ROBO2: variants seen among roughly 807,000 people sequenced by gnomAD.
The protein encoded by ROBO2 is roundabout guidance receptor 2, also known as roundabout homolog 2.
ROBO2 carries 53 observed loss-of-function variants against 160.8 expected under a neutral mutation model. That is an observed-to-expected ratio of 0.33 (90% CI 0.26 to 0.41). The LOEUF is 0.41. ROBO2 is among the 10% of genes least tolerant of loss of function. ROBO2 has a pLI of 1.00. For missense variants in ROBO2, 1,577 were observed against 1,722.4 expected, an observed-to-expected ratio of 0.92 and a Z score of 1.49; for synonymous variants, 664 against 611.7, an observed-to-expected ratio of 1.09 and a Z score of -1.26.
chr3:76,595,004 G>A lies in ROBO2; in HGVS notation c.110-503010G>A, dbSNP rs138267572. The stretch of plus-strand genomic sequence containing the variant: ...CTTGGGAGGTAATTAAGTCATGGGG[G>A]TGGAGCCCTCATGAATGGGATTAGT... On this transcript the variant is annotated intron_variant, in intron 2 of 26. Transcript: ENST00000487694. Among the ~76,000 whole-genome samples the A allele has an allele frequency of 1.7e-3, 265 of 152,116 alleles. 2 individuals carry two copies. The highest frequency in any genetic ancestry group is 6.0e-3 in the African/African-American group (248 of 41,526).
intron 2 of ROBO2, among the ~76,000 whole-genome samples, chr3:76,818,345 T>C (rs1027519934): frequency 2.0e-5 from 3 of 151,698 alleles, no homozygotes; most frequent in Admixed American, 1.3e-4. Flanking sequence ...GGATTGTTTG[T>C]TTTTTTTCTT....
chr3:76,597,465 T>C lies in ROBO2; in HGVS notation c.110-500549T>C, dbSNP rs1219942262. ...GCAAAAGGCATGAGCAGACATTTCA[T>C]GGAAGAGGATACATAAATGAAAAAT... On this transcript the variant is annotated intron_variant, in intron 2 of 26. Coordinates refer to the ROBO2 transcript ENST00000487694. Among the ~76,000 whole-genome samples the C allele has an allele frequency of 3.3e-5, 5 of 152,164 alleles. No individual in the cohort carries two copies. In the East Asian group the frequency reaches 7.7e-4, roughly 24 times the overall value.
intron 2 of ROBO2, among the ~76,000 whole-genome samples, chr3:77,172,509 G>A (rs773069752): frequency 6.6e-6 from 1 of 152,024 alleles, no homozygotes; most frequent in Non-Finnish European, 1.5e-5. Flanking sequence ...GGAGTGCATT[G>A]TTAACATTTT....
intron 2 of ROBO2, among the ~76,000 whole-genome samples, chr3:76,361,421 C>G (rs1026312610): frequency 2.0e-5 from 3 of 152,074 alleles, no homozygotes; most frequent in Middle Eastern, 3.2e-3. Context: ...TCTATATGCA[C>G]TGTGATTTAA....
In ROBO2 at chr3:76,871,350, C is replaced by T. The variant is rs2072039652; in HGVS notation, c.110-226664C>T. Among the ~76,000 whole-genome samples the T allele has an allele frequency of 3.3e-5, 5 of 151,664 alleles. No homozygotes were observed. The East Asian group carries it at 5.8e-4, about 18-fold the overall frequency. The stretch of plus-strand genomic sequence containing the variant: ...CAGGCGGATCACGAGGTCAGGAGAT[C>T]GAGACCATCCCGGCTAAAACGGTGA... On this transcript the variant is annotated intron_variant, in intron 2 of 26. Coordinates refer to the ROBO2 transcript ENST00000487694.
chr3:76,067,384 A>G (rs1559883807), intron 2 of ROBO2, among the ~76,000 whole-genome samples: 1 of 152,194 alleles, frequency 6.6e-6, no homozygotes, highest in Non-Finnish European at 1.5e-5. Context: ...TTTTTGAACA[A>G]ATGTTTGGAA....
At chr3:76,849,427 A>G (rs1489167461) in intron 2 of ROBO2, among the ~76,000 whole-genome samples, 10 of 152,162 alleles carry the variant, frequency 6.6e-5, no homozygotes, top group Non-Finnish European at 1.2e-4. Flanking sequence ...CATGCTTCAG[A>G]ACACTATTAA....
chr3:76,288,354 A>G (rs1240418238), intron 2 of ROBO2, among the ~76,000 whole-genome samples: 1 of 152,180 alleles, frequency 6.6e-6, no homozygotes, highest in Non-Finnish European at 1.5e-5. Context: ...TTTAATTAAA[A>G]TATGGGTTTC....
chr3:76,621,961 G>A (rs1321801604), intron 2 of ROBO2, among the ~76,000 whole-genome samples: 1 of 151,136 alleles, frequency 6.6e-6, no homozygotes, highest in African/African-American at 2.5e-5. Flanking sequence ...TCTTGTTTGG[G>A]TTTGACCTCT....
chr3:76,946,338 G>T (rs188543784), intron 2 of ROBO2, among the ~76,000 whole-genome samples: 1 of 152,030 alleles, frequency 6.6e-6, no homozygotes, highest in Non-Finnish European at 1.5e-5. Context: ...TCTCACACAC[G>T]TACTGATTAC....
chr3:76,374,929 C>G (rs569525367), intron 2 of ROBO2, among the ~76,000 whole-genome samples: 1 of 150,426 alleles, frequency 6.6e-6, no homozygotes, highest in South Asian at 2.1e-4. Flanking sequence ...GACTATCGTA[C>G]GCTTTCTTCT....
intron 2 of ROBO2, among the ~76,000 whole-genome samples, chr3:77,419,034 T>G (rs2077490855): frequency 6.6e-6 from 1 of 152,076 alleles, no homozygotes; most frequent in African/African-American, 2.4e-5. Context: ...AAATCAAGGT[T>G]TGGTTCTTTC....
rs763923940 is a variant in ROBO2, at chr3:76,708,986, T to C, written c.110-389028T>C. 4.6e-5 allele frequency among the ~76,000 whole-genome samples: 7 copies of C among 152,238 alleles called. 1 individual carries two copies. Among genetic ancestry groups the C allele is most frequent in the African/African-American group, 1.2e-4 (5 of 41,574 alleles). ...ACTCCTTGGGTTCTCTTTTGGACAATTGGGTAGATGAGGGTGCCATTTACT... is the reference window on the plus strand; with the variant it reads ...ACTCCTTGGGTTCTCTTTTGGACAACTGGGTAGATGAGGGTGCCATTTACT... On this transcript the variant is annotated intron_variant, in intron 2 of 26. Transcript: ENST00000487694.
chr3:76,240,274 C>G (rs191336551), intron 2 of ROBO2, among the ~76,000 whole-genome samples: 1 of 152,184 alleles, frequency 6.6e-6, no homozygotes, highest in Admixed American at 6.5e-5. Context: ...AATGCTCTCC[C>G]TCCCATAACC....
intron 2 of ROBO2, among the ~76,000 whole-genome samples, chr3:76,318,727 C>A (rs2072257958): frequency 6.6e-6 from 1 of 151,990 alleles, no homozygotes; most frequent in Non-Finnish European, 1.5e-5. Context: ...GTCTTAGTCC[C>A]AGAGCAATTT....
At chr3:76,392,301 G>T (rs972256221) in intron 2 of ROBO2, among the ~76,000 whole-genome samples, 1 of 152,022 alleles carries the variant, frequency 6.6e-6, no homozygotes, top group Non-Finnish European at 1.5e-5. Flanking sequence ...TGTTTTCAGT[G>T]TTTTTTACAG....
chr3:76,434,706 G>C, intron 2 of ROBO2: 1 of 1,083,028 alleles, frequency 9.2e-7, no homozygotes, highest in Non-Finnish European at 1.4e-6. Flanking sequence ...TCACCAGGCA[G>C]GCCCCCCTCC....
intron 19 of ROBO2, among the ~76,000 whole-genome samples, chr3:77,600,188 G>A (rs999934434): frequency 6.6e-6 from 1 of 152,200 alleles, no homozygotes; most frequent in African/African-American, 2.4e-5. Context: ...AGCCTGTTGG[G>A]AGGAAGGCTA....
intron 2 of ROBO2, among the ~76,000 whole-genome samples, chr3:76,628,006 A>AGAG (rs1203565674): frequency 6.6e-6 from 1 of 151,100 alleles, no homozygotes; most frequent in Non-Finnish European, 1.5e-5. Context: ...TATTATAACA[A>AGAG]GAGTAGTTTT....
Sources: gnomAD v4.1 joint callset for allele counts (sites outside exome capture counted in the v4.1 genomes callset) on GRCh38, gnomAD v4.1.1 for gene constraint, MANE v1.5 for transcripts, NCBI Gene and HGNC (gene_info 2026-07-23, HGNC 2026-07-21) for gene names.